The following FIGN variants were observed in gnomAD, a reference collection of about 807,000 sequenced individuals.
The protein encoded by FIGN is fidgetin, microtubule severing factor, also known as fidgetin.
Under a neutral mutation model 51.3 loss-of-function variants are expected in FIGN, and 11 were observed. That is an observed-to-expected ratio of 0.21 (90% CI 0.13 to 0.35). FIGN has a LOEUF of 0.35. Among genes scored for constraint, FIGN ranks in the 10% least tolerant of loss-of-function variants. FIGN has a pLI of 1.00. For synonymous variants in FIGN, 407 were observed against 363.2 expected (o/e 1.12, Z -1.37); for missense variants, 857 against 943.6 (o/e 0.91, Z 1.20).
At chr2:163,629,669 T>C (rs1392622967) in intron 2 of FIGN, among the ~76,000 whole-genome samples, 1 of 152,136 alleles carries the variant, frequency 6.6e-6, no homozygotes, top group South Asian at 2.1e-4. Context: ...TTATGTATTA[T>C]CTATGGTTGC....
At chr2:163,735,669 TAGAC>T (rs1487294892) in intron 1 of FIGN, among the ~76,000 whole-genome samples, 165 bp downstream of exon 1, 4 of 152,198 alleles carry the variant, frequency 2.6e-5, no homozygotes, top group Admixed American at 2.0e-4. Context: ...ACAGAGAAAT[TAGAC>T]AGCAGGTTGG....
intron 2 of FIGN, among the ~76,000 whole-genome samples, chr2:163,659,200 A>T (rs1683612125): frequency 6.6e-6 from 1 of 152,250 alleles, no homozygotes; most frequent in African/African-American, 2.4e-5. Context: ...TTGGAAACAA[A>T]TTGAAAAACA....
intron 2 of FIGN, among the ~76,000 whole-genome samples, chr2:163,655,666 A>C (rs770130826): frequency 6.6e-6 from 1 of 152,084 alleles, no homozygotes; most frequent in Non-Finnish European, 1.5e-5. Context: ...GGCTGATGCT[A>C]TCTCTCTCCC....
intron 2 of FIGN, among the ~76,000 whole-genome samples, chr2:163,678,348 G>C (rs775424808): frequency 2.0e-5 from 3 of 152,128 alleles, no homozygotes; most frequent in African/African-American, 4.8e-5. Flanking sequence ...AGCCTCCCGA[G>C]TAGCTGGGAT....
intron 2 of FIGN, among the ~76,000 whole-genome samples, chr2:163,663,533 C>T (rs916785203): frequency 2.6e-5 from 4 of 151,224 alleles, no homozygotes; most frequent in East Asian, 2.0e-4. Context: ...GGGGTTTCTC[C>T]GTGTTAGTCA....
chr2:163,651,461 AC>A (rs1683476517), intron 2 of FIGN, among the ~76,000 whole-genome samples: 1 of 152,208 alleles, frequency 6.6e-6, no homozygotes, highest in Non-Finnish European at 1.5e-5. Flanking sequence ...ATCTCAAAAA[AC>A]AAAACAACAC....
chr2:163,611,745 G>C lies in FIGN; in HGVS notation c.87C>G (p.Thr29=). 6.2e-7 allele frequency: 1 copy of C among 1,614,100 alleles called. No homozygotes were observed. Among genetic ancestry groups the C allele is most frequent in the Non-Finnish European group, 8.5e-7 (1 of 1,179,960 alleles). Residue 29 remains threonine, a synonymous_variant, in exon 3 of 3, where the codon ACC becomes ACG. Transcript: ENST00000333129. ...AQWPEQHFDI[T]STTRSPAHKV... ...TGTGGGCAGGAGACCGAGTGGTTGAGGTGATGTCAAAGTGCTGTTCTGGCC... is the reference window on the plus strand; with the variant it reads ...TGTGGGCAGGAGACCGAGTGGTTGACGTGATGTCAAAGTGCTGTTCTGGCC...
rs34099693 is a variant in FIGN, at chr2:163,727,383, T to TA, written c.25+7519dup. ...TATTTCAAGTTTGCAATGGCTTAGTTAAAAAAAAAAAAAATATTCCTAAAC... is the reference window on the plus strand; with the variant it reads ...TATTTCAAGTTTGCAATGGCTTAGTTAAAAAAAAAAAAAAATATTCCTAAAC... On this transcript the variant is annotated intron_variant, in intron 2 of 2. Coordinates refer to ENST00000333129, the MANE Select transcript of FIGN (RefSeq NM_018086.4). Among the ~76,000 whole-genome samples, 44 of 147,858 alleles carry TA rather than the reference T, an allele frequency of 3.0e-4. No homozygotes were observed. In the South Asian group the frequency reaches 3.4e-3, roughly 12 times the overall value.
At chr2:163,639,220 C>T (rs899245042) in intron 2 of FIGN, among the ~76,000 whole-genome samples, 2 of 151,984 alleles carry the variant, frequency 1.3e-5, no homozygotes, top group African/African-American at 4.8e-5. Flanking sequence ...TGCATTTTTC[C>T]TATGACTGGC....
At chr2:163,618,518 C>G (rs1321540523) in intron 2 of FIGN, among the ~76,000 whole-genome samples, 1 of 151,936 alleles carries the variant, frequency 6.6e-6, no homozygotes, top group South Asian at 2.1e-4. Flanking sequence ...AATCTGACAG[C>G]CTGAGGGTAA....
intron 2 of FIGN, among the ~76,000 whole-genome samples, chr2:163,728,224 T>C (rs1433351143): frequency 6.6e-6 from 1 of 151,464 alleles, no homozygotes; most frequent in African/African-American, 2.4e-5. Context: ...ATGGTCAGCA[T>C]TTTGTATCAG....
chr2:163,672,263 A>C (rs938758960), intron 2 of FIGN, among the ~76,000 whole-genome samples: 1 of 151,996 alleles, frequency 6.6e-6, no homozygotes, highest in Non-Finnish European at 1.5e-5. Context: ...AAAAAAAAAA[A>C]AAACTACTTC....
chr2:163,660,328 T>C (rs924427254), intron 2 of FIGN, among the ~76,000 whole-genome samples: 2 of 152,106 alleles, frequency 1.3e-5, no homozygotes, highest in African/African-American at 4.8e-5. Flanking sequence ...ATGCACCTTG[T>C]AAGAGCTCCT....
At chr2:163,711,386 T>G (rs1684585442) in intron 2 of FIGN, among the ~76,000 whole-genome samples, 1 of 152,136 alleles carries the variant, frequency 6.6e-6, no homozygotes, top group Non-Finnish European at 1.5e-5. Flanking sequence ...GATTAATACC[T>G]CCCTACGTAT....
chr2:163,674,820 C>CAAA (rs534060603), intron 2 of FIGN, among the ~76,000 whole-genome samples: 1 of 145,780 alleles, frequency 6.9e-6, no homozygotes, highest in African/African-American at 2.5e-5. Context: ...ACATTCTTGA[C>CAAA]AAAAAAAAAA....
At chr2:163,612,803 G>A (rs1353021535) in intron 2 of FIGN, among the ~76,000 whole-genome samples, 1 of 150,330 alleles carries the variant, frequency 6.7e-6, no homozygotes. Context: ...GAGAGAGAGA[G>A]AAAGGAAACT....
At chr2:163,676,471 ATATATATATATAAC>A (rs1683970303) in intron 2 of FIGN, among the ~76,000 whole-genome samples, 7 of 107,822 alleles carry the variant, frequency 6.5e-5, no homozygotes, top group South Asian at 6.1e-4. Context: ...ATATATATAT[ATATATATATATAAC>A]TAGAGTCTGT....
chr2:163,627,483 G>A (rs1446295398), intron 2 of FIGN, among the ~76,000 whole-genome samples: 4 of 152,064 alleles, frequency 2.6e-5, no homozygotes, highest in African/African-American at 7.2e-5. Context: ...AAATGGTAAC[G>A]GTAATGGGGA....
chr2:163,611,395 G>A lies in FIGN; in HGVS notation c.437C>T (p.Ala146Val). ...TACCCCAGGAGAGCTTCCTATACTCGCAGAGACATCTGCTGGAGGGAGGGC... is the reference window on the plus strand; with the variant it reads ...TACCCCAGGAGAGCTTCCTATACTCACAGAGACATCTGCTGGAGGGAGGGC... ...SSALPPADVS[A>V]SIGSSPGVAS... The change falls in exon 3 of 3, where the codon GCG (alanine) becomes GTG (valine). Residue 146 changes from alanine (A) to valine (V), a missense_variant. Transcript: ENST00000333129. 6.2e-7 allele frequency: 1 copy of A among 1,614,100 alleles called. No homozygotes were observed. The highest frequency in any genetic ancestry group is 8.5e-7 in the Non-Finnish European group (1 of 1,180,004).
Sources: allele counts gnomAD v4.1 joint callset (sites outside exome capture counted in the v4.1 genomes callset), GRCh38; gene constraint gnomAD v4.1.1; transcripts MANE v1.5; gene names NCBI Gene and HGNC (gene_info 2026-07-23, HGNC 2026-07-21).